C7orf78: variants seen among roughly 807,000 people sequenced by gnomAD.
C7orf78 encodes putative uncharacterized protein C7orf78.
chr7:12,502,445 A>T, the C7orf78 span, among the ~76,000 whole-genome samples: 2 of 151,964 alleles, frequency 1.3e-5, no homozygotes, highest in African/African-American at 4.8e-5. Context: ...CACTTCTCAA[A>T]AGAAGACATT....
the C7orf78 span, among the ~76,000 whole-genome samples, chr7:12,526,488 AATT>A: frequency 6.6e-6 from 1 of 152,130 alleles, no homozygotes; most frequent in Admixed American, 6.6e-5. Context: ...TACATATTAT[AATT>A]ATATATAAAT....
chr7:12,483,713 C>CCA, the C7orf78 span: 1 of 136,816 alleles, frequency 7.3e-6, no homozygotes, highest in African/African-American at 2.7e-5. Flanking sequence ...ACTAAAACTA[C>CCA]AAAAAAAAAA....
chr7:12,493,448 T>C, the C7orf78 span, among the ~76,000 whole-genome samples: 2 of 152,188 alleles, frequency 1.3e-5, no homozygotes, highest in Non-Finnish European at 2.9e-5. Flanking sequence ...CAGAATCCCC[T>C]GGAAGGCTTG....
At chr7:12,494,814 C>T in the C7orf78 span, among the ~76,000 whole-genome samples, 2 of 152,178 alleles carry the variant, frequency 1.3e-5, no homozygotes, top group South Asian at 4.1e-4. Context: ...GCTACCTCCT[C>T]CTAGTGGTAA....
the C7orf78 span, among the ~76,000 whole-genome samples, chr7:12,532,656 A>G: frequency 6.6e-6 from 1 of 152,288 alleles, no homozygotes; most frequent in Non-Finnish European, 1.5e-5. Context: ...CGAAGTTTGC[A>G]TTTGTGAAAC....
chr7:12,529,472 CT>C, the C7orf78 span, among the ~76,000 whole-genome samples: 1 of 152,178 alleles, frequency 6.6e-6, no homozygotes, highest in Non-Finnish European at 1.5e-5. Flanking sequence ...AGAAGCCAAA[CT>C]CTGTAAAATA....
At chr7:12,499,588 G>C in the C7orf78 span, among the ~76,000 whole-genome samples, 1 of 149,292 alleles carries the variant, frequency 6.7e-6, no homozygotes, top group African/African-American at 2.5e-5. Flanking sequence ...AGCAAGTCCT[G>C]AGTGACCTAC....
the C7orf78 span, among the ~76,000 whole-genome samples, chr7:12,497,512 C>T: frequency 1.3e-5 from 2 of 152,162 alleles, no homozygotes; most frequent in Non-Finnish European, 2.9e-5. Flanking sequence ...CACTCGAATA[C>T]TGCGCTTTTC....
chr7:12,492,937 T>A, the C7orf78 span, among the ~76,000 whole-genome samples: 1 of 152,182 alleles, frequency 6.6e-6, no homozygotes, highest in African/African-American at 2.4e-5. Flanking sequence ...GTGCGGTGGC[T>A]CATGCCTATA....
At chr7:12,491,350 A>C in the C7orf78 span, 2 of 152,248 alleles carry the variant, frequency 1.3e-5, no homozygotes, top group East Asian at 1.9e-4. Context: ...TGGTGCAGCA[A>C]TGATGTTCCT....
chr7:12,521,381 T>C, the C7orf78 span, among the ~76,000 whole-genome samples: 5 of 152,050 alleles, frequency 3.3e-5, no homozygotes, highest in South Asian at 2.1e-4. Flanking sequence ...CATTTGTGTA[T>C]CTACTGTCAT....
the C7orf78 span, chr7:12,529,050 T>C: frequency 2.5e-6 from 1 of 398,460 alleles, no homozygotes; most frequent in Non-Finnish European, 4.4e-6. Context: ...ATACAGTGAG[T>C]TTGACTTTCT....
the C7orf78 span, among the ~76,000 whole-genome samples, chr7:12,513,627 G>A: frequency 6.6e-6 from 1 of 152,112 alleles, no homozygotes. Context: ...TATAACTTCA[G>A]TTTTAAAATT....
chr7:12,516,069 G>A, the C7orf78 span, among the ~76,000 whole-genome samples: 6 of 152,166 alleles, frequency 3.9e-5, no homozygotes, highest in Admixed American at 6.5e-5. Flanking sequence ...TGGGGAAAAT[G>A]TCTCTAGGGT....
At chr7:12,501,309 CATG>C in the C7orf78 span, among the ~76,000 whole-genome samples, 1 of 147,544 alleles carries the variant, frequency 6.8e-6, no homozygotes, top group African/African-American at 2.5e-5. Flanking sequence ...TTGCAGATGA[CATG>C]ATTGTATATC....
chr7:12,498,080 C>T, the C7orf78 span, among the ~76,000 whole-genome samples: 1 of 151,908 alleles, frequency 6.6e-6, no homozygotes, highest in Non-Finnish European at 1.5e-5. Flanking sequence ...AAAAACCCAT[C>T]TGTACATCAC....
the C7orf78 span, among the ~76,000 whole-genome samples, chr7:12,525,255 A>G: frequency 1.3e-5 from 2 of 152,004 alleles, no homozygotes; most frequent in Non-Finnish European, 2.9e-5. Context: ...CAGTTCTTGG[A>G]GTGTACAAAT....
chr7:12,483,621 G>A, the C7orf78 span: 2 of 151,174 alleles, frequency 1.3e-5, no homozygotes, highest in Non-Finnish European at 2.9e-5. Flanking sequence ...TGTAATCCCA[G>A]CCCTTTGGAA....
chr7:12,513,869 G>A, the C7orf78 span, among the ~76,000 whole-genome samples: 3 of 152,060 alleles, frequency 2.0e-5, no homozygotes, highest in Non-Finnish European at 4.4e-5. Flanking sequence ...GCGTGGTGGT[G>A]GGTGCCTGTA....
Sources: gnomAD v4.1 joint callset for allele counts (sites outside exome capture counted in the v4.1 genomes callset) on GRCh38, gnomAD v4.1.1 for gene constraint, MANE v1.5 for transcripts, NCBI Gene and HGNC (gene_info 2026-07-23, HGNC 2026-07-21) for gene names.